Variants in COPB2 observed in about 807,000 individuals in gnomAD.
COPB2 encodes the protein coatomer subunit beta'.
A neutral mutation model predicts 120.8 loss-of-function variants in COPB2; 16 were observed. That is an observed-to-expected ratio of 0.13 (90% CI 0.09 to 0.20). COPB2 has a LOEUF of 0.20. Among genes scored for constraint, COPB2 ranks in the 10% least tolerant of loss-of-function variants. The probability of loss-of-function intolerance (pLI) is 1.00; values close to 1 mark genes in which losing one functional copy is unlikely to be tolerated. For missense variants in COPB2, 794 were observed against 1,076.5 expected (o/e 0.74, Z 3.67); for synonymous variants, 332 against 366.3 (o/e 0.91, Z 1.07).
chr3:139,379,009 CAA>C, intron 4 of COPB2, 36 bp downstream of exon 4: 1 of 1,533,622 alleles, frequency 6.5e-7, no homozygotes. Context: ...ATGAATTACC[CAA>C]AGAGACGCAC....
Position 139,369,547 on chromosome 3 carries a change from G to T in COPB2, c.1206-3C>A. The T allele has an allele frequency of 6.3e-7, 1 of 1,579,130 alleles. No individual in the cohort carries two copies. Among genetic ancestry groups the T allele is most frequent in the South Asian group, 1.2e-5 (1 of 85,700 alleles). On this transcript the variant is annotated splice_region_variant and splice_polypyrimidine_tract_variant and intron_variant, in intron 10 of 21. Coordinates refer to ENST00000333188, the MANE Select transcript of COPB2 (RefSeq NM_004766.3). ...TGTTGCTCTCTCTTATTGCATACCT[G>T]GGAGAAAAAAGGGAAGGCAAACATA...
chr3:139,358,073 T>G lies in COPB2; in HGVS notation c.2626-115A>C, dbSNP rs1435888909. On this transcript the variant is annotated intron_variant, in intron 21 of 21. Transcript: ENST00000333188. ...ATTTTCTTAATAGTCAAAAAGAGCA[T>G]CTTCCCATTTCAAAGCCCCTGCTCT... is the stretch of plus-strand genomic sequence containing the variant. 32 of 1,024,708 alleles carry G rather than the reference T, an allele frequency of 3.1e-5. No individual in the cohort carries two copies. The South Asian group carries it at 4.7e-4, about 15-fold the overall frequency. 63.5% of individuals were successfully genotyped at this position (1,024,708 alleles called of 1,614,324 possible).
intron 17 of COPB2, among the ~76,000 whole-genome samples, chr3:139,360,177 C>T (rs560448851): frequency 8.4e-6 from 1 of 118,522 alleles, no homozygotes; most frequent in African/African-American, 3.0e-5. Context: ...AGTTATATGG[C>T]GAAGTATGGG....
chr3:139,359,589 A>G (rs1037357894), intron 17 of COPB2, among the ~76,000 whole-genome samples: 1 of 152,290 alleles, frequency 6.6e-6, no homozygotes, highest in South Asian at 2.1e-4. Context: ...CTTAATTATT[A>G]TAATTCCTAA....
chr3:139,359,668 A>G (rs1425678961), intron 17 of COPB2, among the ~76,000 whole-genome samples: 1 of 152,220 alleles, frequency 6.6e-6, no homozygotes, highest in Non-Finnish European at 1.5e-5. Flanking sequence ...GCATAAGGAT[A>G]TATGCCAGCA....
chr3:139,367,865 T>C (rs1053706802), intron 13 of COPB2, among the ~76,000 whole-genome samples: 6 of 152,198 alleles, frequency 3.9e-5, no homozygotes, highest in African/African-American at 1.4e-4. Flanking sequence ...ACTGACTAAA[T>C]AGTCTTAGGA....
At chr3:139,382,009 T>C (rs555918244) in intron 2 of COPB2, 9 of 152,328 alleles carry the variant, frequency 5.9e-5, no homozygotes, top group African/African-American at 2.2e-4. Flanking sequence ...GAAATGCATA[T>C]TATTCATTGG....
Position 139,389,638 on chromosome 3 carries a change from C to A in COPB2, c.-88G>T. ...ACCCACCGATCCACTGACCGTCAGA[C>A]TGACTGACGTGGAACTTCCGGGAGC... is the stretch of plus-strand genomic sequence containing the variant. On this transcript the variant is annotated 5_prime_UTR_variant, in exon 1 of 22. Transcript: ENST00000333188. The A allele has an allele frequency of 7.3e-7, 1 of 1,376,006 alleles. No homozygotes were observed. The highest frequency in any genetic ancestry group is 1.0e-6 in the Non-Finnish European group (1 of 1,004,008). The allele number at this position is 1,376,006 out of a possible 1,614,324, so 85.2% of individuals were successfully genotyped here.
intron 5 of COPB2, among the ~76,000 whole-genome samples, chr3:139,376,780 C>T (rs9853350): frequency 0.27 from 41,143 of 152,156 alleles, 7,048 homozygotes; most frequent in East Asian, 0.86. Context: ...GATGGAGTCT[C>T]GCTCTGTCCC....
At chr3:139,370,409 T>A (rs9868900) in intron 10 of COPB2, among the ~76,000 whole-genome samples, 57,943 of 152,170 alleles carry the variant, frequency 0.38, 13,797 homozygotes, top group Non-Finnish European at 0.53. Context: ...TTAAAACTTA[T>A]GAGTTGTTTA....
chr3:139,375,360 A>T, intron 6 of COPB2, 108 bp downstream of exon 6: 2 of 1,092,184 alleles, frequency 1.8e-6, no homozygotes, highest in South Asian at 2.7e-5. Context: ...CTGATACCTT[A>T]AGTTATTATG....
At chr3:139,377,658 G>C (rs1560019434) in intron 5 of COPB2, among the ~76,000 whole-genome samples, 1 of 152,184 alleles carries the variant, frequency 6.6e-6, no homozygotes, top group African/African-American at 2.4e-5. Context: ...AAGAAAGAGA[G>C]AATAGAGGCA....
At chr3:139,362,620 C>G in intron 15 of COPB2, 103 bp from the exon 16 acceptor site, 1 of 486,630 alleles carries the variant, frequency 2.1e-6, no homozygotes, top group Non-Finnish European at 3.1e-6. Context: ...CACACATTCA[C>G]AGAGCAAATC....
At chr3:139,389,416 A>AC in intron 1 of COPB2, 132 bp downstream of exon 1, 1 of 1,314,110 alleles carries the variant, frequency 7.6e-7, no homozygotes, top group Non-Finnish European at 9.9e-7. Flanking sequence ...AACGACCAAG[A>AC]CCCCGCAAGG....
intron 15 of COPB2, 34 bp from the exon 16 acceptor site, chr3:139,362,551 G>A (rs377700267): frequency 5.8e-6 from 8 of 1,375,430 alleles, no homozygotes; most frequent in East Asian, 5.1e-5. Context: ...ATATATTTAT[G>A]CATACAAAAA....
chr3:139,384,034 GA>G (rs1941865823), intron 1 of COPB2, among the ~76,000 whole-genome samples: 1 of 152,174 alleles, frequency 6.6e-6, no homozygotes, highest in Non-Finnish European at 1.5e-5. Flanking sequence ...TGGTCTCACA[GA>G]TACCTAGTTG....
chr3:139,380,724 C>G (rs1425720824), intron 2 of COPB2: 1 of 152,176 alleles, frequency 6.6e-6, no homozygotes, highest in Non-Finnish European at 1.5e-5. Context: ...ACTTTTCAAG[C>G]CAGAGTTCAA....
At chr3:139,388,755 A>G in intron 1 of COPB2, among the ~76,000 whole-genome samples, 1 of 150,236 alleles carries the variant, frequency 6.7e-6, no homozygotes, top group African/African-American at 2.4e-5. Flanking sequence ...CCTCCTGAGT[A>G]GCTGGGACTA....
chr3:139,365,844 G>A (rs1294158459), intron 15 of COPB2, among the ~76,000 whole-genome samples: 1 of 152,196 alleles, frequency 6.6e-6, no homozygotes, highest in Non-Finnish European at 1.5e-5. Flanking sequence ...TCACCTGTGA[G>A]CAGTGATTAC....
Sources: allele counts gnomAD v4.1 joint callset (sites outside exome capture counted in the v4.1 genomes callset), GRCh38; gene constraint gnomAD v4.1.1; transcripts MANE v1.5; gene names NCBI Gene and HGNC (gene_info 2026-07-23, HGNC 2026-07-21).